The following WDR7 variants were observed in gnomAD, a reference collection of about 807,000 sequenced individuals.
WDR7 encodes WD repeat-containing protein 7.
WDR7 carries 46 observed loss-of-function variants against 169.4 expected under a neutral mutation model. That is an observed-to-expected ratio of 0.27 (90% CI 0.21 to 0.35). The LOEUF is 0.35. Among genes scored for constraint, WDR7 ranks in the 10% least tolerant of loss-of-function variants. WDR7 has a pLI of 1.00. For missense variants in WDR7, 1,534 were observed against 1,859.3 expected (o/e 0.83, Z 3.22); for synonymous variants, 612 against 666.8 (o/e 0.92, Z 1.27).
intron 26 of WDR7, among the ~76,000 whole-genome samples, chr18:57,009,054 A>G (rs2048103690): frequency 6.6e-6 from 1 of 152,260 alleles, no homozygotes; most frequent in Non-Finnish European, 1.5e-5. Flanking sequence ...AGGACTGACA[A>G]GTAATGTCAG....
chr18:56,670,547 T>C (rs977649017), intron 1 of WDR7, among the ~76,000 whole-genome samples: 1 of 152,180 alleles, frequency 6.6e-6, no homozygotes, highest in African/African-American at 2.4e-5. Context: ...ACTCTTGCTC[T>C]GTTGCCAGGC....
At chr18:57,031,320 G>A (rs1053144281), downstream of WDR7, 13 of 152,072 alleles carry the variant, frequency 8.5e-5, no homozygotes, top group African/African-American at 2.2e-4. Flanking sequence ...TCTAATTAAT[G>A]TCTCTCTGAG....
At chr18:56,748,709 A>G (rs2043741989) in intron 14 of WDR7, among the ~76,000 whole-genome samples, 1 of 152,118 alleles carries the variant, frequency 6.6e-6, no homozygotes, top group Non-Finnish European at 1.5e-5. Context: ...ATTGTCATTC[A>G]CACCTACCCA....
chr18:56,882,467 T>A (rs1038209304), intron 21 of WDR7, among the ~76,000 whole-genome samples: 2 of 152,250 alleles, frequency 1.3e-5, no homozygotes, highest in South Asian at 4.1e-4. Context: ...TTGTGAATAT[T>A]GATGTTTAAA....
intron 21 of WDR7, among the ~76,000 whole-genome samples, chr18:56,884,621 C>T (rs1402640509): frequency 6.6e-6 from 1 of 152,202 alleles, no homozygotes; most frequent in Non-Finnish European, 1.5e-5. Flanking sequence ...TCCCATCCCC[C>T]ACCACGGCTG....
intron 26 of WDR7, among the ~76,000 whole-genome samples, chr18:57,004,885 T>C (rs559002952): frequency 1.3e-5 from 2 of 152,262 alleles, no homozygotes; most frequent in African/African-American, 4.8e-5. Flanking sequence ...CTCAGTGAAG[T>C]CTAAACTTTC....
chr18:56,666,501 C>T (rs960840137), intron 1 of WDR7, among the ~76,000 whole-genome samples: 4 of 152,086 alleles, frequency 2.6e-5, no homozygotes, highest in Admixed American at 2.0e-4. Context: ...TGCGCCCGGC[C>T]TCATCTTCAT....
chr18:56,939,273 T>G (rs2047002440), intron 24 of WDR7, 38 bp from the exon 25 acceptor site: 1 of 1,465,506 alleles, frequency 6.8e-7, no homozygotes, highest in African/African-American at 1.4e-5. Flanking sequence ...AAATTAAGTA[T>G]TTGAAATTAA....
chr18:56,991,064 G>A (rs1225943913), intron 26 of WDR7, among the ~76,000 whole-genome samples: 2 of 151,970 alleles, frequency 1.3e-5, no homozygotes, highest in African/African-American at 4.8e-5. Flanking sequence ...TGAAAGTCAG[G>A]GCATGTGCCT....
chr18:56,828,078 A>C (rs2045241248), intron 20 of WDR7, among the ~76,000 whole-genome samples: 1 of 152,170 alleles, frequency 6.6e-6, no homozygotes, highest in South Asian at 2.1e-4. Context: ...GTTTTGAGTG[A>C]CTTAGTGGTG....
intron 26 of WDR7, among the ~76,000 whole-genome samples, chr18:57,012,662 T>C (rs924341730): frequency 6.6e-6 from 1 of 152,186 alleles, no homozygotes; most frequent in African/African-American, 2.4e-5. Context: ...TCTTTGTTAT[T>C]TGGTGTGGCG....
intron 27 of WDR7, among the ~76,000 whole-genome samples, chr18:57,021,285 C>T (rs1191765997): frequency 6.6e-6 from 1 of 152,062 alleles, no homozygotes; most frequent in Non-Finnish European, 1.5e-5. Context: ...TGAGCAAGGG[C>T]CGGCATGTTT....
chr18:56,716,935 A>G (rs1167175046), intron 12 of WDR7, among the ~76,000 whole-genome samples: 2 of 152,178 alleles, frequency 1.3e-5, no homozygotes, highest in Non-Finnish European at 2.9e-5. Context: ...CATTTGGGAA[A>G]GATATTGAGA....
chr18:56,981,574 G>T (rs1169529366), intron 26 of WDR7, among the ~76,000 whole-genome samples: 1 of 152,164 alleles, frequency 6.6e-6, no homozygotes, highest in East Asian at 1.9e-4. Context: ...GGCAACAATG[G>T]GAGAGTGGAT....
chr18:56,659,872 G>A (rs982833147), intron 1 of WDR7, among the ~76,000 whole-genome samples: 4 of 151,868 alleles, frequency 2.6e-5, no homozygotes, highest in African/African-American at 9.7e-5. Flanking sequence ...TTTTTTAATA[G>A]TGTCACTCTA....
chr18:57,023,158 C>A (rs949117444), intron 27 of WDR7, among the ~76,000 whole-genome samples: 7 of 152,326 alleles, frequency 4.6e-5, no homozygotes, highest in Non-Finnish European at 1.0e-4. Flanking sequence ...GCAATGAAAT[C>A]TCTTCCAGAA....
At chr18:56,726,144 T>C (rs1439817849) in intron 13 of WDR7, among the ~76,000 whole-genome samples, 1 of 152,228 alleles carries the variant, frequency 6.6e-6, no homozygotes, top group African/African-American at 2.4e-5. Context: ...GGCTCTTTTT[T>C]GGTTCCATAT....
Position 56,924,080 on chromosome 18 carries a change from T to C in WDR7, c.3685T>C (p.Cys1229Arg). The C allele has an allele frequency of 6.2e-7, 1 of 1,612,724 alleles. No homozygotes were observed. Among genetic ancestry groups the C allele is most frequent in the Admixed American group, 1.7e-5 (1 of 59,634 alleles). Reference protein sequence around the residue: ...SAVLMGLLELCADAEKQLANI... With the variant: ...SAVLMGLLELRADAEKQLANI... ...TGTTCTGATGGGGCTTCTCGAACTT[T>C]GTGCCGATGCCGAGAAACAACTTGC... The change falls in exon 22 of 28, where the codon TGT becomes CGT. Residue 1229 changes from cysteine to arginine, a missense_variant. By Grantham distance (180) the Cys-to-Arg change is radical (BLOSUM62 -3). Transcript: ENST00000254442.
chr18:56,730,365 G>A (rs537438727), intron 13 of WDR7, among the ~76,000 whole-genome samples: 99 of 152,324 alleles, frequency 6.5e-4, no homozygotes, highest in Admixed American at 7.2e-4. Flanking sequence ...CTTGAAAGGT[G>A]GGTGAAGGAG....
Sources: gnomAD v4.1 joint callset for allele counts (sites outside exome capture counted in the v4.1 genomes callset) on GRCh38, gnomAD v4.1.1 for gene constraint, MANE v1.5 for transcripts, NCBI Gene and HGNC (gene_info 2026-07-23, HGNC 2026-07-21) for gene names.